Variants in VRK2 observed in about 807,000 individuals in gnomAD.
VRK2 encodes VRK serine/threonine kinase 2.
A neutral mutation model predicts 57.6 loss-of-function variants in VRK2; 60 were observed. That is an observed-to-expected ratio of 1.04 (90% CI 0.85 to 1.29). VRK2 has a LOEUF of 1.29. Ranked by LOEUF, VRK2 falls within the 50% of genes most tolerant of loss-of-function variation. VRK2 has a pLI of 0.00. For missense variants in VRK2, 705 were observed against 588.1 expected (o/e 1.20, Z -2.06); for synonymous variants, 231 against 199.2 (o/e 1.16, Z -1.35).
intron 7 of VRK2, among the ~76,000 whole-genome samples, chr2:58,114,117 G>T: frequency 6.6e-6 from 1 of 152,124 alleles, no homozygotes; most frequent in Non-Finnish European, 1.5e-5. Flanking sequence ...CCTGGATACG[G>T]TTTTGTATGA....
At chr2:58,049,793 CT>C (rs1400711466) in intron 2 of VRK2, among the ~76,000 whole-genome samples, 1 of 152,154 alleles carries the variant, frequency 6.6e-6, no homozygotes, top group Non-Finnish European at 1.5e-5. Flanking sequence ...TTGAGGGAAT[CT>C]TGGGTTCTCA....
intron 3 of VRK2, among the ~76,000 whole-genome samples, chr2:58,035,884 T>TA (rs1353535696): frequency 6.6e-6 from 1 of 152,026 alleles, no homozygotes; most frequent in Non-Finnish European, 1.5e-5. Flanking sequence ...GATTACTATG[T>TA]AAAAAACACT....
intron 1 of VRK2, among the ~76,000 whole-genome samples, chr2:57,964,398 A>G (rs1468260819): frequency 6.6e-6 from 1 of 152,090 alleles, no homozygotes; most frequent in African/African-American, 2.4e-5. Context: ...ACTGAAGAGG[A>G]GTAGGAAGAG....
At position 58,156,606 on chromosome 2, in the gene VRK2, T is replaced by C. The variant is rs1441405771; in HGVS notation, c.1183-2743T>C. On this transcript the variant is annotated intron_variant, in intron 12 of 12. Transcript: ENST00000340157. ...TTTTTTTGTTTTGTTTTGTTTTGTT[T>C]TGTTTTGTTTTTGCCTGACCTCTAG... 2.0e-5 allele frequency among the ~76,000 whole-genome samples: 3 copies of C among 150,986 alleles called. 1 individual carries two copies. The East Asian group carries it at 5.8e-4, about 29-fold the overall frequency.
chr2:58,024,327 G>T (rs1673858413), intron 1 of VRK2, among the ~76,000 whole-genome samples: 1 of 152,092 alleles, frequency 6.6e-6, no homozygotes, highest in African/African-American at 2.4e-5. Flanking sequence ...GGGTTCAGTG[G>T]CAAATATTTC....
At chr2:58,052,822 A>G (rs914981265) in intron 2 of VRK2, among the ~76,000 whole-genome samples, 11 of 152,236 alleles carry the variant, frequency 7.2e-5, no homozygotes, top group Non-Finnish European at 1.3e-4. Context: ...AAAAGTTCTC[A>G]TATAAGCTGT....
chr2:58,099,750 T>A (rs17049338), intron 7 of VRK2, among the ~76,000 whole-genome samples: 4,789 of 152,138 alleles, frequency 0.031, 256 homozygotes, highest in African/African-American at 0.11. Flanking sequence ...TTCCTGGCGA[T>A]TGTGGTGGAC....
At chr2:58,028,024 C>T (rs1025127053) in intron 2 of VRK2, among the ~76,000 whole-genome samples, 2 of 152,142 alleles carry the variant, frequency 1.3e-5, no homozygotes, top group African/African-American at 4.8e-5. Flanking sequence ...GAAGAAGTGC[C>T]TAGTAAGAAA....
chr2:58,050,913 C>T lies in VRK2; in HGVS notation c.136+1946C>T, dbSNP rs149911138. On this transcript the variant is annotated intron_variant, in intron 2 of 12. Transcript: ENST00000340157. ...AGGCTGGAGTGCAGTGGCTCAATCT[C>T]GGCCCACTGCAACCTCCACCTCCTA... Among the ~76,000 whole-genome samples the T allele has an allele frequency of 6.7e-3, 1,014 of 151,878 alleles. 13 individuals are homozygous for T. The highest frequency in any genetic ancestry group is 0.023 in the African/African-American group (945 of 41,404).
chr2:57,937,652 CA>C (rs1670957058), intron 1 of VRK2, among the ~76,000 whole-genome samples: 1 of 152,126 alleles, frequency 6.6e-6, no homozygotes, highest in Non-Finnish European at 1.5e-5. Context: ...ATCTGCACAG[CA>C]ATGTGTAGGA....
Position 57,923,833 on chromosome 2 carries a change from T to C in VRK2, c.-439+15994T>C, listed in dbSNP as rs554083781. Among the ~76,000 whole-genome samples, 2 of 152,228 alleles carry C rather than the reference T, an allele frequency of 1.3e-5. 1 individual carries two copies. Among genetic ancestry groups the C allele is most frequent in the South Asian group, 4.1e-4 (2 of 4,830 alleles). On this transcript the variant is annotated intron_variant, in intron 1 of 15. Coordinates refer to the VRK2 transcript ENST00000417641. ...AATGTCTAGAGAATTTCTCCAAGGTTTCCCTTTAGTAGTTTCAGTTTCAGT... is the reference window on the plus strand; with the variant it reads ...AATGTCTAGAGAATTTCTCCAAGGTCTCCCTTTAGTAGTTTCAGTTTCAGT...
intron 1 of VRK2, among the ~76,000 whole-genome samples, chr2:57,992,629 C>G (rs1002937854): frequency 6.6e-6 from 1 of 152,048 alleles, no homozygotes; most frequent in African/African-American, 2.4e-5. Context: ...CTCCGCTTCC[C>G]GGGTTCACGC....
At chr2:58,093,085 A>C (rs1103765) in intron 7 of VRK2, among the ~76,000 whole-genome samples, 5 of 152,290 alleles carry the variant, frequency 3.3e-5, no homozygotes, top group South Asian at 2.1e-4. Context: ...TGGGTTGGTT[A>C]CAAGTCTTTG....
At chr2:57,995,365 G>A (rs1213686935) in intron 1 of VRK2, among the ~76,000 whole-genome samples, 1 of 152,158 alleles carries the variant, frequency 6.6e-6, no homozygotes, top group Non-Finnish European at 1.5e-5. Flanking sequence ...TTGAGAAGCT[G>A]TCAAGCTCAC....
At chr2:58,102,806 C>T (rs544065383) in intron 7 of VRK2, among the ~76,000 whole-genome samples, 19 of 151,748 alleles carry the variant, frequency 1.3e-4, no homozygotes, top group African/African-American at 4.6e-4. Flanking sequence ...TCACAGGGAA[C>T]ATTCTCCAAG....
chr2:58,063,676 T>C (rs981304570), intron 2 of VRK2, among the ~76,000 whole-genome samples: 2 of 152,082 alleles, frequency 1.3e-5, no homozygotes, highest in South Asian at 4.1e-4. Context: ...CCTGCTAACA[T>C]AGTGTCCCTT....
chr2:57,916,403 C>G (rs1189713200), intron 1 of VRK2, among the ~76,000 whole-genome samples: 2 of 105,496 alleles, frequency 1.9e-5, no homozygotes, highest in Admixed American at 1.9e-4. Flanking sequence ...AAAACTTCGT[C>G]TCAGAGAAAA....
intron 1 of VRK2, among the ~76,000 whole-genome samples, chr2:58,018,747 T>C (rs535663433): frequency 1.3e-5 from 2 of 152,290 alleles, no homozygotes; most frequent in Non-Finnish European, 2.9e-5. Flanking sequence ...TGATTTTTTT[T>C]CTTGTAATTC....
chr2:57,972,197 A>G (rs896235270), intron 1 of VRK2, among the ~76,000 whole-genome samples: 1 of 151,688 alleles, frequency 6.6e-6, no homozygotes, highest in African/African-American at 2.4e-5. Flanking sequence ...CAAGTTTGGC[A>G]TTGTTTCTAG....
Sources: allele counts gnomAD v4.1 joint callset (sites outside exome capture counted in the v4.1 genomes callset), GRCh38; gene constraint gnomAD v4.1.1; transcripts MANE v1.5; gene names NCBI Gene and HGNC (gene_info 2026-07-23, HGNC 2026-07-21).